Variants in SCHIP1 observed in about 807,000 individuals in gnomAD.
SCHIP1 encodes the protein schwannomin-interacting protein 1.
Under a neutral mutation model 29.7 loss-of-function variants are expected in SCHIP1, and 8 were observed. The ratio of observed to expected loss-of-function variants is 0.27; its 90% CI spans 0.16 to 0.49. SCHIP1 has a LOEUF of 0.49. Ranked by LOEUF, SCHIP1 falls within the 20% of genes least tolerant of loss-of-function variation. The probability of loss-of-function intolerance (pLI) is 0.99; values close to 1 mark genes in which losing one functional copy is unlikely to be tolerated. For missense variants in SCHIP1, 193 were observed against 294.6 expected, an observed-to-expected ratio of 0.66 and a Z score of 2.52; for synonymous variants, 76 against 94.9, an observed-to-expected ratio of 0.80 and a Z score of 1.16.
chr3:159,818,874 G>C, the SCHIP1 span, among the ~76,000 whole-genome samples: 2 of 152,184 alleles, frequency 1.3e-5, no homozygotes, highest in Non-Finnish European at 2.9e-5. Flanking sequence ...AAAATTAACT[G>C]TGTGGTCCTT....
At chr3:159,400,488 T>C in the SCHIP1 span, among the ~76,000 whole-genome samples, 1 of 152,254 alleles carries the variant, frequency 6.6e-6, no homozygotes, top group African/African-American at 2.4e-5. Context: ...AATTGTATTA[T>C]TATCTCCTTT....
chr3:159,599,878 C>A, the SCHIP1 span, among the ~76,000 whole-genome samples: 3 of 152,114 alleles, frequency 2.0e-5, no homozygotes, highest in East Asian at 5.8e-4. Context: ...GTGTAGGACT[C>A]CTTAAGCAGT....
At chr3:159,668,793 T>C in the SCHIP1 span, among the ~76,000 whole-genome samples, 3 of 152,204 alleles carry the variant, frequency 2.0e-5, no homozygotes, top group African/African-American at 7.2e-5. Context: ...AGTATAGAAC[T>C]TTCTTCCTTT....
At chr3:159,383,716 G>C in the SCHIP1 span, among the ~76,000 whole-genome samples, 3 of 137,770 alleles carry the variant, frequency 2.2e-5, no homozygotes. Flanking sequence ...CCATTTTCAT[G>C]ATATTGATTC....
the SCHIP1 span, among the ~76,000 whole-genome samples, chr3:159,341,059 T>C: frequency 1.3e-5 from 2 of 152,132 alleles, no homozygotes; most frequent in African/African-American, 4.8e-5. Context: ...AGAGTTCAGC[T>C]GCCAAATTTT....
chr3:159,877,302 A>T (rs892764066), intron 2 of SCHIP1, among the ~76,000 whole-genome samples: 3 of 152,226 alleles, frequency 2.0e-5, no homozygotes, highest in African/African-American at 7.2e-5. Flanking sequence ...GTGAGCCGAG[A>T]TCACCCCATT....
chr3:159,590,271 C>T, the SCHIP1 span, among the ~76,000 whole-genome samples: 1 of 152,094 alleles, frequency 6.6e-6, no homozygotes, highest in Non-Finnish European at 1.5e-5. Flanking sequence ...CAGCCCAGCG[C>T]ATTAAAGAAC....
At chr3:159,450,162 G>A in the SCHIP1 span, among the ~76,000 whole-genome samples, 3 of 152,132 alleles carry the variant, frequency 2.0e-5, no homozygotes, top group African/African-American at 7.2e-5. Context: ...CTCTTCCTAT[G>A]CTAAAATATT....
chr3:159,684,803 CAAAAAAAA>C, the SCHIP1 span, among the ~76,000 whole-genome samples: 9 of 64,884 alleles, frequency 1.4e-4, 1 homozygote, highest in African/African-American at 4.3e-4. Context: ...GACTCTGTTG[CAAAAAAAA>C]AAAAAAGAAA....
chr3:159,339,255 TA>T, the SCHIP1 span, among the ~76,000 whole-genome samples: 40,480 of 138,454 alleles, frequency 0.29, 5,614 homozygotes, highest in African/African-American at 0.37. Context: ...TCATTAGAAT[TA>T]AAAAAAAAAA....
chr3:159,340,473 C>A, the SCHIP1 span, among the ~76,000 whole-genome samples: 2 of 151,372 alleles, frequency 1.3e-5, no homozygotes, highest in African/African-American at 4.9e-5. Flanking sequence ...AAGTTTATAG[C>A]CATAAGAAAT....
intron 2 of SCHIP1, among the ~76,000 whole-genome samples, chr3:159,877,405 A>G (rs1472321668): frequency 6.6e-6 from 1 of 152,232 alleles, no homozygotes; most frequent in African/African-American, 2.4e-5. Context: ...CATAGAATCA[A>G]TGCAATCTTA....
At chr3:159,307,615 C>A in the SCHIP1 span, among the ~76,000 whole-genome samples, 1 of 152,002 alleles carries the variant, frequency 6.6e-6, no homozygotes, top group Non-Finnish European at 1.5e-5. Flanking sequence ...GCAATTGCTT[C>A]TGAGGACTTA....
At chr3:159,480,430 T>G in the SCHIP1 span, among the ~76,000 whole-genome samples, 1 of 152,174 alleles carries the variant, frequency 6.6e-6, no homozygotes, top group Non-Finnish European at 1.5e-5. Context: ...TTTCTCACTC[T>G]GTTTCTAGGT....
At chr3:159,878,735 G>A (rs1205270242) in intron 2 of SCHIP1, among the ~76,000 whole-genome samples, 5 of 143,370 alleles carry the variant, frequency 3.5e-5, no homozygotes, top group East Asian at 2.0e-4. Flanking sequence ...CCGAGATCCC[G>A]CCACTGCACT....
At chr3:159,412,445 TC>T in the SCHIP1 span, among the ~76,000 whole-genome samples, 1 of 152,200 alleles carries the variant, frequency 6.6e-6, no homozygotes, top group African/African-American at 2.4e-5. Context: ...CCAATCTGCA[TC>T]CTGACATGAT....
At chr3:159,573,485 G>A in the SCHIP1 span, among the ~76,000 whole-genome samples, 1 of 152,318 alleles carries the variant, frequency 6.6e-6, no homozygotes, top group African/African-American at 2.4e-5. Context: ...TCCACTGTTA[G>A]TCTGATGGGC....
chr3:159,722,155 A>C, the SCHIP1 span: 1 of 261,218 alleles, frequency 3.8e-6, no homozygotes, highest in Non-Finnish European at 7.5e-6. Flanking sequence ...ACTATGGTGG[A>C]TACCTGTATG....
At chr3:159,587,913 G>T in the SCHIP1 span, among the ~76,000 whole-genome samples, 1 of 152,140 alleles carries the variant, frequency 6.6e-6, no homozygotes, top group African/African-American at 2.4e-5. Flanking sequence ...ATTGTGAATA[G>T]TTCCACAATA....
Sources: allele counts gnomAD v4.1 joint callset (sites outside exome capture counted in the v4.1 genomes callset), GRCh38; gene constraint gnomAD v4.1.1; transcripts MANE v1.5; gene names NCBI Gene and HGNC (gene_info 2026-07-23, HGNC 2026-07-21).